SP140: variants seen among roughly 807,000 people sequenced by gnomAD.
SP140 encodes SP140 nuclear body protein, also known as nuclear body protein SP140.
A neutral mutation model predicts 125.0 loss-of-function variants in SP140; 81 were observed. The ratio of observed to expected loss-of-function variants is 0.65; its 90% CI spans 0.54 to 0.78. The LOEUF (loss-of-function observed/expected upper bound fraction) is 0.78, where lower values mean the gene tolerates loss of function less well. Ranked by LOEUF, SP140 falls within the 30% of genes least tolerant of loss-of-function variation. SP140 has a pLI of 0.00. For missense variants in SP140, 858 were observed against 1,037.0 expected (o/e 0.83, Z 2.37); for synonymous variants, 312 against 354.0 (o/e 0.88, Z 1.33).
At chr2:230,200,927 T>A, upstream of SP140, 1 of 1,613,994 alleles carries the variant, frequency 6.2e-7, no homozygotes, top group Non-Finnish European at 8.5e-7. Flanking sequence ...TTCTGGGACC[T>A]CTTTCCTTCA....
chr2:230,238,167 A>T, intron 2 of SP140, 46 bp from the exon 3 acceptor site: 1 of 1,389,954 alleles, frequency 7.2e-7, no homozygotes, highest in Non-Finnish European at 9.9e-7. Context: ...GTCTTTTGTA[A>T]CCCATAAATC....
intron 22 of SP140, among the ~76,000 whole-genome samples, chr2:230,298,324 T>A (rs1038246168): frequency 2.0e-5 from 3 of 152,196 alleles, no homozygotes; most frequent in African/African-American, 7.2e-5. Flanking sequence ...AGCACTCACA[T>A]AGAATATCAT....
upstream of SP140, among the ~76,000 whole-genome samples, chr2:230,220,774 T>C (rs1470519468): frequency 6.6e-6 from 1 of 152,036 alleles, no homozygotes; most frequent in Non-Finnish European, 1.5e-5. Context: ...GAGGCCAAGA[T>C]GGGAGGATTG....
At chr2:230,207,814 C>T (rs2044035568) in intron 1 of SP140, among the ~76,000 whole-genome samples, 1 of 152,168 alleles carries the variant, frequency 6.6e-6, no homozygotes. Context: ...TTTCCCAGCT[C>T]CAACTCATTC....
At chr2:230,299,346 A>G (rs1559359086) in intron 22 of SP140, among the ~76,000 whole-genome samples, 1 of 152,216 alleles carries the variant, frequency 6.6e-6, no homozygotes, top group South Asian at 2.1e-4. Context: ...CAGGAGAAGG[A>G]TTTCACCTAA....
At chr2:230,195,681 A>T in the SP140 span, among the ~76,000 whole-genome samples, 1 of 152,128 alleles carries the variant, frequency 6.6e-6, no homozygotes, top group Non-Finnish European at 1.5e-5. Context: ...ATTGTTATAA[A>T]CCATGGATAT....
At chr2:230,275,886 A>G (rs1015019038) in intron 15 of SP140, among the ~76,000 whole-genome samples, 1 of 152,018 alleles carries the variant, frequency 6.6e-6, no homozygotes, top group Non-Finnish European at 1.5e-5. Flanking sequence ...AGAAGATCCA[A>G]CCAGCCACAA....
chr2:230,210,511 C>T (rs1327733039), intron 1 of SP140, among the ~76,000 whole-genome samples: 1 of 152,192 alleles, frequency 6.6e-6, no homozygotes, highest in Non-Finnish European at 1.5e-5. Flanking sequence ...TTTAACTGCT[C>T]TATCTGTGGT....
rs781643781 is a variant in SP140 at position 230,287,974 on chromosome 2, A to G, written c.1720+8A>G. The G allele has an allele frequency of 2.9e-5, 46 of 1,606,608 alleles. 1 individual carries two copies. The South Asian group carries it at 4.1e-4, about 14-fold the overall frequency. On this transcript the variant is annotated splice_region_variant and intron_variant, in intron 18 of 26. Coordinates refer to ENST00000392045, the MANE Select transcript of SP140 (RefSeq NM_007237.5). ...AAAGAGTCCGATCAAGAGGTAAAAA[A>G]GAAAACAGGAATGAACTTTCAATAA...
intron 3 of SP140, among the ~76,000 whole-genome samples, chr2:230,239,716 T>C (rs1244720743): frequency 6.6e-6 from 1 of 152,240 alleles, no homozygotes; most frequent in Non-Finnish European, 1.5e-5. Context: ...CCCCAAATGC[T>C]GGGATTACAG....
At chr2:230,244,812 C>T (rs867244440) in intron 5 of SP140, among the ~76,000 whole-genome samples, 176 bp from the exon 6 acceptor site, 1 of 151,998 alleles carries the variant, frequency 6.6e-6, no homozygotes, top group Non-Finnish European at 1.5e-5. Flanking sequence ...AAGGAGGTAG[C>T]AGAGAGATGA....
In SP140 at chr2:230,275,408, T is replaced by C. The variant is rs185630526; in HGVS notation, c.1498+4769T>C. 2.0e-3 allele frequency among the ~76,000 whole-genome samples: 299 copies of C among 152,272 alleles called. 1 individual carries two copies. The highest frequency in any genetic ancestry group is 3.3e-3 in the Non-Finnish European group (226 of 68,012). ...GCAATATTTCAAATTTTATTATTATTCTTCTTCCTGTTATGGTAGTATGAA... is the reference window on the plus strand; with the variant it reads ...GCAATATTTCAAATTTTATTATTATCCTTCTTCCTGTTATGGTAGTATGAA... On this transcript the variant is annotated intron_variant, in intron 15 of 26. Coordinates refer to ENST00000392045, the MANE Select transcript of SP140 (RefSeq NM_007237.5).
At chr2:230,196,458 A>T in the SP140 span, among the ~76,000 whole-genome samples, 1 of 152,140 alleles carries the variant, frequency 6.6e-6, no homozygotes, top group African/African-American at 2.4e-5. Context: ...TAAAAAGAAA[A>T]ATGTATGCAT....
At chr2:230,274,519 C>T (rs1292814385) in intron 15 of SP140, among the ~76,000 whole-genome samples, 3 of 152,230 alleles carry the variant, frequency 2.0e-5, no homozygotes, top group Middle Eastern at 3.4e-3. Flanking sequence ...CCTCTGTGGC[C>T]TCCAGAAAGG....
At chr2:230,233,102 C>G (rs541170908) in intron 1 of SP140, among the ~76,000 whole-genome samples, 1 of 151,660 alleles carries the variant, frequency 6.6e-6, no homozygotes, top group Non-Finnish European at 1.5e-5. Context: ...ATATTTTATG[C>G]CTCTTTATTT....
intron 22 of SP140, among the ~76,000 whole-genome samples, chr2:230,300,993 A>AGAAATAC (rs1465711085): frequency 6.6e-6 from 1 of 152,258 alleles, no homozygotes; most frequent in Non-Finnish European, 1.5e-5. Context: ...ACATACTTAG[A>AGAAATAC]GAAATACAAA....
At position 230,312,738 on chromosome 2, in the gene SP140, C is replaced by T. The variant is rs1204230589; in HGVS notation, c.*54C>T. The T allele has an allele frequency of 1.3e-5, 17 of 1,357,582 alleles. No individual in the cohort carries two copies. The highest frequency in any genetic ancestry group is 6.3e-6 in the Non-Finnish European group (6 of 951,804). 84.1% of individuals were successfully genotyped at this position (1,357,582 alleles called of 1,614,324 possible). On this transcript the variant is annotated 3_prime_UTR_variant, in exon 27 of 27. Coordinates refer to ENST00000392045, the MANE Select transcript of SP140 (RefSeq NM_007237.5). ...GCAAATGGCACCCTAAAATATGCCG[C>T]TGGTTTGCCACTGACTTCAAAATGA... is the stretch of plus-strand genomic sequence containing the variant.
intron 9 of SP140, 29 bp downstream of exon 9, chr2:230,248,997 T>G (rs767067970): frequency 3.2e-6 from 5 of 1,551,666 alleles, no homozygotes; most frequent in Non-Finnish European, 4.4e-6. Context: ...TTTAAATATT[T>G]GAGTACATCT....
chr2:230,207,895 T>A (rs996190483), intron 1 of SP140: 1 of 704,510 alleles, frequency 1.4e-6, no homozygotes. Context: ...GGCTTCCCAT[T>A]GCATTTAGAA....
Sources: allele counts gnomAD v4.1 joint callset (sites outside exome capture counted in the v4.1 genomes callset), GRCh38; gene constraint gnomAD v4.1.1; transcripts MANE v1.5; gene names NCBI Gene and HGNC (gene_info 2026-07-23, HGNC 2026-07-21).